The following SPRY3 variants were observed in gnomAD, a reference collection of about 807,000 sequenced individuals.
The protein encoded by SPRY3 is sprouty RTK signaling antagonist 3.
In SPRY3, 15 loss-of-function variants were observed where a neutral mutation model predicts 20.2. The observed-to-expected ratio is 0.74, with a 90% CI of 0.50 to 1.14. The LOEUF (loss-of-function observed/expected upper bound fraction) is 1.14, where lower values mean the gene tolerates loss of function less well. Among genes scored for constraint, SPRY3 ranks in the 50% most tolerant of loss-of-function variants. The pLI, the probability that SPRY3 is intolerant of heterozygous loss-of-function variation, is 0.00. For synonymous variants in SPRY3, 143 were observed against 136.5 expected (o/e 1.05, Z -0.33); for missense variants, 364 against 363.9 (o/e 1.00, Z 0.00).
At chrX:155,664,118 T>C (rs1034384591) in intron 2 of SPRY3, among the ~76,000 whole-genome samples, 3 of 110,796 alleles carry the variant, frequency 2.7e-5, no homozygotes, top group Non-Finnish European at 5.7e-5. Flanking sequence ...ACAAAGTGTA[T>C]AGAAATAACT....
intron 2 of SPRY3, among the ~76,000 whole-genome samples, chrX:155,659,870 A>G (rs1488030282): frequency 8.9e-6 from 1 of 111,850 alleles, no homozygotes; most frequent in Non-Finnish European, 1.9e-5. Context: ...ATCAATTGTA[A>G]TGTCACTTTT....
At chrX:155,727,338 G>C (rs1310115364) in intron 2 of SPRY3, among the ~76,000 whole-genome samples, 3 of 152,086 alleles carry the variant, frequency 2.0e-5, no homozygotes, top group Non-Finnish European at 4.4e-5. Flanking sequence ...TCCTGAATTT[G>C]AATGTTGGCC....
intron 2 of SPRY3, among the ~76,000 whole-genome samples, chrX:155,764,238 T>A (rs2091315698): frequency 6.6e-6 from 1 of 152,180 alleles, no homozygotes; most frequent in African/African-American, 2.4e-5. Context: ...AGCTGTATGA[T>A]CTTGGACAAC....
exon 4 of SPRY3, chrX:155,775,576 AC>A (rs2091419731): frequency 6.0e-6 from 1 of 167,078 alleles, no homozygotes; most frequent in African/African-American, 2.4e-5. Context: ...TGTGCTCACA[AC>A]CACTCTCACC....
chrX:155,771,843 A>G (rs925473500), intron 3 of SPRY3, among the ~76,000 whole-genome samples: 17 of 152,330 alleles, frequency 1.1e-4, no homozygotes, highest in Middle Eastern at 6.8e-3. Context: ...AAGTAAGGGC[A>G]CATTGCCCAC....
intron 1 of SPRY3, among the ~76,000 whole-genome samples, chrX:155,641,640 C>G (rs781993592): frequency 8.7e-6 from 1 of 115,008 alleles, no homozygotes; most frequent in Non-Finnish European, 1.9e-5. Context: ...GAGCGAGAAA[C>G]AAAGACAATT....
intron 2 of SPRY3, among the ~76,000 whole-genome samples, chrX:155,718,943 C>T (rs1351312715): frequency 1.3e-5 from 2 of 151,930 alleles, no homozygotes; most frequent in African/African-American, 4.8e-5. Flanking sequence ...AATCATTCAC[C>T]CCACAAGGAC....
intron 2 of SPRY3, among the ~76,000 whole-genome samples, chrX:155,745,537 G>A (rs1363423350): frequency 6.6e-6 from 1 of 152,022 alleles, no homozygotes; most frequent in African/African-American, 2.4e-5. Flanking sequence ...ATTGTTCTAA[G>A]ATACCTGGCC....
intron 2 of SPRY3, among the ~76,000 whole-genome samples, chrX:155,749,090 A>G (rs751745918): frequency 1.5e-4 from 23 of 152,066 alleles, no homozygotes; most frequent in African/African-American, 5.3e-4. Flanking sequence ...CCCAATACAT[A>G]ATTAAATACC....
intron 2 of SPRY3, among the ~76,000 whole-genome samples, chrX:155,767,526 C>A (rs922209897): frequency 2.7e-5 from 4 of 150,038 alleles, no homozygotes; most frequent in African/African-American, 7.4e-5. Context: ...GAGAGGGAGA[C>A]CAAGGTGGAG....
chrX:155,748,438 A>G (rs1292300858), intron 2 of SPRY3, among the ~76,000 whole-genome samples: 2 of 151,794 alleles, frequency 1.3e-5, no homozygotes, highest in African/African-American at 4.8e-5. Context: ...AGCAGGCAAA[A>G]GAGAGGACTT....
intron 2 of SPRY3, among the ~76,000 whole-genome samples, chrX:155,716,793 A>G (rs889018518): frequency 1.3e-3 from 198 of 151,352 alleles, no homozygotes; most frequent in Non-Finnish European, 1.4e-3. Context: ...TATGTGTTCA[A>G]ATAACTGTAG....
intron 2 of SPRY3, among the ~76,000 whole-genome samples, chrX:155,732,337 A>T (rs2091138554): frequency 6.6e-6 from 1 of 152,044 alleles, no homozygotes; most frequent in Non-Finnish European, 1.5e-5. Context: ...AGGGTGAAAA[A>T]ATGTGCAAAA....
intron 2 of SPRY3, among the ~76,000 whole-genome samples, chrX:155,715,012 T>G (rs2091012317): frequency 6.6e-6 from 1 of 152,146 alleles, no homozygotes; most frequent in Non-Finnish European, 1.5e-5. Context: ...CCAGAAATGC[T>G]GTCTAAGAGC....
chrX:155,768,283 A>G (rs1446226991), intron 3 of SPRY3, 147 bp downstream of exon 2: 3 of 152,182 alleles, frequency 2.0e-5, no homozygotes, highest in Non-Finnish European at 4.4e-5. Flanking sequence ...CATGGATAAA[A>G]TAAAATGAAA....
At chrX:155,712,097 T>C (rs2090991060) in intron 2 of SPRY3, among the ~76,000 whole-genome samples, 1 of 151,960 alleles carries the variant, frequency 6.6e-6, no homozygotes, top group Admixed American at 6.6e-5. Context: ...TTAAGATTTG[T>C]TTTGTTACCT....
chrX:155,713,680 T>C (rs1371595839), intron 2 of SPRY3, among the ~76,000 whole-genome samples: 1 of 152,122 alleles, frequency 6.6e-6, no homozygotes, highest in South Asian at 2.1e-4. Flanking sequence ...AGGTAGTCTT[T>C]GGGTTAAATC....
At chrX:155,739,879 C>A (rs1433541081) in intron 2 of SPRY3, among the ~76,000 whole-genome samples, 1 of 152,164 alleles carries the variant, frequency 6.6e-6, no homozygotes, top group East Asian at 1.9e-4. Context: ...TGCAAAAACA[C>A]TGAAAACTCA....
At position 155,753,802 on chromosome X, in the gene SPRY3, T is replaced by A. The variant is rs771020428; in HGVS notation, c.-281-14160T>A. 1.7e-4 allele frequency among the ~76,000 whole-genome samples: 26 copies of A among 152,102 alleles called. No homozygotes were observed. In the South Asian group the frequency reaches 5.4e-3, roughly 32 times the overall value. ...TTTGGCCATTCTAGTGGGTATTAAG[T>A]TGTATCTAATTTTGTTTCTGCTTTG... On this transcript the variant is annotated intron_variant, in intron 2 of 3. Transcript: ENST00000675360.
Sources: allele counts gnomAD v4.1 joint callset (sites outside exome capture counted in the v4.1 genomes callset), GRCh38; gene constraint gnomAD v4.1.1; transcripts MANE v1.5; gene names NCBI Gene and HGNC (gene_info 2026-07-23, HGNC 2026-07-21).